PGCKA1: variants seen among roughly 807,000 people sequenced by gnomAD.
PGCKA1 encodes the protein PDCD10 and GCKIII kinases associated 1.
At chr4:37,462,182 G>T in the PGCKA1 span, among the ~76,000 whole-genome samples, 1 of 151,960 alleles carries the variant, frequency 6.6e-6, no homozygotes, top group South Asian at 2.1e-4. Context: ...AAATTTTTTT[G>T]GCAGGCAATT....
the PGCKA1 span, among the ~76,000 whole-genome samples, chr4:37,567,161 C>T: frequency 6.6e-6 from 1 of 152,178 alleles, no homozygotes; most frequent in South Asian, 2.1e-4. Flanking sequence ...AATACCTTCA[C>T]TATCCTACTT....
chr4:37,486,859 TCA>T, the PGCKA1 span, among the ~76,000 whole-genome samples: 1 of 152,324 alleles, frequency 6.6e-6, no homozygotes, highest in Non-Finnish European at 1.5e-5. Flanking sequence ...AAAATTACTG[TCA>T]CAGACATTAT....
the PGCKA1 span, among the ~76,000 whole-genome samples, chr4:37,495,592 A>T: frequency 2.0e-5 from 3 of 152,202 alleles, no homozygotes; most frequent in Admixed American, 2.0e-4. Context: ...CATCATTCTC[A>T]GCAAACTAAC....
chr4:37,552,155 A>T, the PGCKA1 span, among the ~76,000 whole-genome samples: 81 of 152,324 alleles, frequency 5.3e-4, no homozygotes, highest in African/African-American at 1.8e-3. Flanking sequence ...TCAACTCATG[A>T]CTTAGAACCC....
At chr4:37,517,318 TAGAG>T in the PGCKA1 span, among the ~76,000 whole-genome samples, 4 of 147,536 alleles carry the variant, frequency 2.7e-5, no homozygotes, top group Admixed American at 1.4e-4. Context: ...AATATATATA[TAGAG>T]AGAGAGAGCA....
the PGCKA1 span, among the ~76,000 whole-genome samples, chr4:37,548,293 G>T: frequency 2.6e-5 from 4 of 152,014 alleles, no homozygotes; most frequent in African/African-American, 9.7e-5. Flanking sequence ...TATATCTTTG[G>T]TAAAAATATT....
chr4:37,521,045 TATTTCA>T, the PGCKA1 span, among the ~76,000 whole-genome samples: 1 of 152,212 alleles, frequency 6.6e-6, no homozygotes, highest in Non-Finnish European at 1.5e-5. Context: ...TGTATTTTTT[TATTTCA>T]ATTTCATTTT....
chr4:37,541,637 T>G, the PGCKA1 span, among the ~76,000 whole-genome samples: 7 of 152,228 alleles, frequency 4.6e-5, no homozygotes, highest in East Asian at 1.9e-4. Context: ...TCATGCATTA[T>G]GTGTACACCT....
chr4:37,462,962 CAAAAAA>C, the PGCKA1 span, among the ~76,000 whole-genome samples: 1 of 60,304 alleles, frequency 1.7e-5, no homozygotes, highest in South Asian at 6.6e-4. Context: ...GACTCAGTAT[CAAAAAA>C]AAAAAAAAAA....
chr4:37,590,868 C>T, the PGCKA1 span: 1 of 1,614,220 alleles, frequency 6.2e-7, no homozygotes, highest in Non-Finnish European at 8.5e-7. Flanking sequence ...ACTCAGGAAA[C>T]AGGCAGGAGG....
chr4:37,496,754 G>T, the PGCKA1 span, among the ~76,000 whole-genome samples: 2 of 152,090 alleles, frequency 1.3e-5, no homozygotes, highest in Non-Finnish European at 2.9e-5. Flanking sequence ...CCATTTGTTT[G>T]TGTAATCTCT....
At chr4:37,484,102 C>T in the PGCKA1 span, among the ~76,000 whole-genome samples, 4 of 152,036 alleles carry the variant, frequency 2.6e-5, no homozygotes, top group Non-Finnish European at 2.9e-5. Context: ...TGTGTCTGCC[C>T]GAAATTTATA....
chr4:37,492,102 C>T, the PGCKA1 span, among the ~76,000 whole-genome samples: 5 of 150,900 alleles, frequency 3.3e-5, no homozygotes, highest in Non-Finnish European at 7.4e-5. This position sits in a 1 kb window ranked among gnomAD's most constrained non-coding sequence, Gnocchi z 4.7. Flanking sequence ...AGTGCAGTGG[C>T]GTGATCTTGG....
At chr4:37,590,111 T>C in the PGCKA1 span, 1 of 1,613,680 alleles carries the variant, frequency 6.2e-7, no homozygotes, top group South Asian at 1.1e-5. Flanking sequence ...CCAGTTCAAG[T>C]GCCCTCTCCT....
At chr4:37,479,665 C>A in the PGCKA1 span, among the ~76,000 whole-genome samples, 5 of 152,154 alleles carry the variant, frequency 3.3e-5, no homozygotes, top group African/African-American at 1.2e-4. Context: ...GCAGCAGCAA[C>A]ACAGTGTGAG....
At chr4:37,559,606 AAAAT>A in the PGCKA1 span, among the ~76,000 whole-genome samples, 2 of 141,338 alleles carry the variant, frequency 1.4e-5, no homozygotes, top group African/African-American at 5.8e-5. Flanking sequence ...ATAATAAGAT[AAAAT>A]AAAATAAATT....
chr4:37,582,975 T>C, the PGCKA1 span, among the ~76,000 whole-genome samples: 1 of 152,234 alleles, frequency 6.6e-6, no homozygotes, highest in African/African-American at 2.4e-5. Context: ...ATGATTTTTC[T>C]AGTTCCAGTA....
chr4:37,569,401 G>GT, the PGCKA1 span, among the ~76,000 whole-genome samples: 1 of 151,892 alleles, frequency 6.6e-6, no homozygotes. Context: ...GTTTCACCAT[G>GT]TTAGCCAGGC....
At chr4:37,478,707 T>C in the PGCKA1 span, among the ~76,000 whole-genome samples, 1 of 152,244 alleles carries the variant, frequency 6.6e-6, no homozygotes, top group African/African-American at 2.4e-5. Flanking sequence ...CTGTTGTCCA[T>C]AGGGAATCCA....
Sources: gnomAD v4.1 joint callset for allele counts (sites outside exome capture counted in the v4.1 genomes callset) on GRCh38, gnomAD v4.1.1 for gene constraint, Gnocchi (gnomAD v3.1) non-coding constraint, MANE v1.5 for transcripts, NCBI Gene and HGNC (gene_info 2026-07-23, HGNC 2026-07-21) for gene names.